Variants in FAM174B observed in about 807,000 individuals in gnomAD.
FAM174B encodes membrane protein FAM174B.
A neutral mutation model predicts 10.9 loss-of-function variants in FAM174B; 12 were observed. The ratio of observed to expected loss-of-function variants is 1.10; its 90% CI spans 0.71 to 1.79. FAM174B has a LOEUF of 1.79. Among genes scored for constraint, FAM174B ranks in the 40% most tolerant of loss-of-function variants. FAM174B has a pLI of 0.00. For synonymous variants in FAM174B, 132 were observed against 115.8 expected (o/e 1.14, Z -0.90); for missense variants, 266 against 233.3 (o/e 1.14, Z -0.91).
intron 2 of FAM174B, among the ~76,000 whole-genome samples, chr15:92,628,193 C>G (rs1434459207): frequency 6.7e-6 from 1 of 150,124 alleles, no homozygotes; most frequent in African/African-American, 2.5e-5. Context: ...GAGATGGGGT[C>G]TTCCTCTGTT....
In FAM174B at chr15:92,619,146, C is replaced by A; in HGVS notation, c.*310G>T. 1 of 685,488 alleles carries A rather than the reference C, an allele frequency of 1.5e-6. No homozygotes were observed. Among genetic ancestry groups the A allele is most frequent in the South Asian group, 1.5e-5 (1 of 65,160 alleles). The allele number at this position is 685,488 out of a possible 1,614,324, so 42.5% of individuals were successfully genotyped here. A position where few individuals can be genotyped will look rare whatever the true frequency, so the allele number is the denominator to read the frequency against. ...TGTCTTAAAAAAACTTCTTTAAAATCAACATGTTTCTACCCTTTGCTCCTT... is the reference window on the plus strand; with the variant it reads ...TGTCTTAAAAAAACTTCTTTAAAATAAACATGTTTCTACCCTTTGCTCCTT... On this transcript the variant is annotated 3_prime_UTR_variant, in exon 3 of 3. Coordinates refer to ENST00000327355, the MANE Select transcript of FAM174B (RefSeq NM_207446.3).
At chr15:92,642,043 G>A (rs2050895223) in intron 1 of FAM174B, among the ~76,000 whole-genome samples, 1 of 152,154 alleles carries the variant, frequency 6.6e-6, no homozygotes, top group Non-Finnish European at 1.5e-5. Context: ...ATTTACAAAT[G>A]CACAATACAC....
At chr15:92,621,343 G>C (rs926189992) in intron 2 of FAM174B, among the ~76,000 whole-genome samples, 2 of 152,186 alleles carry the variant, frequency 1.3e-5, no homozygotes, top group Non-Finnish European at 2.9e-5. Flanking sequence ...CAGGCACAGT[G>C]GGTCGCGCCC....
chr15:92,617,545 C>G lies in FAM174B; in HGVS notation c.*1911G>C, dbSNP rs2050686828. 3 of 518,210 alleles carry G rather than the reference C, an allele frequency of 5.8e-6. No individual in the cohort carries two copies. In the South Asian group the frequency reaches 8.2e-5, roughly 14 times the overall value. The allele number at this position is 518,210 out of a possible 1,614,324, so 32.1% of individuals were successfully genotyped here. On this transcript the variant is annotated 3_prime_UTR_variant, in exon 3 of 3. Transcript: ENST00000327355. ...CAGCAGCCGCCATTTCTGCCAGGAC[C>G]AGTGGCAAGCACCTGGCAGATGGAG... is the stretch of plus-strand genomic sequence containing the variant.
Position 92,639,858 on chromosome 15 carries a change from A to G in FAM174B, c.345-9513T>C, listed in dbSNP as rs2050879032. Among the ~76,000 whole-genome samples the G allele has an allele frequency of 1.3e-5, 2 of 152,134 alleles. 1 individual carries two copies. The highest frequency in any genetic ancestry group is 4.1e-4 in the South Asian group (2 of 4,824). The stretch of plus-strand genomic sequence containing the variant: ...TTCCTGAGGCCTCCCCAGAAGCAGA[A>G]GCTGCTATGCTTCCTGTACAGCATG... On this transcript the variant is annotated intron_variant, in intron 1 of 2. Transcript: ENST00000327355.
intron 2 of FAM174B, among the ~76,000 whole-genome samples, chr15:92,626,577 A>G (rs979818414): frequency 2.6e-5 from 4 of 152,166 alleles, no homozygotes; most frequent in African/African-American, 7.2e-5. Flanking sequence ...TGGCAGCCCT[A>G]GAAGCAGAAA....
intron 2 of FAM174B, 186 bp from the exon 3 acceptor site, chr15:92,619,645 C>T (rs564890829): frequency 3.1e-6 from 2 of 635,008 alleles, no homozygotes; most frequent in Non-Finnish European, 5.6e-6. Flanking sequence ...CCCCTCCCTC[C>T]CCACAGTTCC....
intron 1 of FAM174B, among the ~76,000 whole-genome samples, chr15:92,651,891 T>C (rs2050968935): frequency 6.6e-6 from 1 of 152,248 alleles, no homozygotes; most frequent in Non-Finnish European, 1.5e-5. Flanking sequence ...CTAATTTCCT[T>C]GGATCCAATT....
chr15:92,630,491 G>C (rs934608234), intron 1 of FAM174B, 146 bp from the exon 2 acceptor site: 2 of 758,896 alleles, frequency 2.6e-6, no homozygotes, highest in African/African-American at 3.5e-5. Flanking sequence ...GGATCTGATG[G>C]AAGGCAAACC....
intron 2 of FAM174B, among the ~76,000 whole-genome samples, chr15:92,628,008 T>A (rs2050764967): frequency 6.6e-6 from 1 of 152,222 alleles, no homozygotes; most frequent in Admixed American, 6.5e-5. Flanking sequence ...AAGTCTTTTA[T>A]ATCAAACGGT....
intron 1 of FAM174B, chr15:92,634,212 C>T (rs2050838151): frequency 6.6e-6 from 1 of 152,266 alleles, no homozygotes; most frequent in African/African-American, 2.4e-5. Flanking sequence ...AGGACACACC[C>T]AGACGGCTTC....
At chr15:92,633,712 C>G (rs1233215258) in intron 1 of FAM174B, among the ~76,000 whole-genome samples, 1 of 152,160 alleles carries the variant, frequency 6.6e-6, no homozygotes, top group East Asian at 1.9e-4. Flanking sequence ...CCTGGGACAA[C>G]AGTATTTAGA....
intron 2 of FAM174B, 162 bp downstream of exon 2, chr15:92,630,052 A>T (rs1033366277): frequency 1.8e-6 from 1 of 542,436 alleles, no homozygotes. Context: ...CAGCATGAAA[A>T]TGGACTAACA....
rs147543451 is a variant in FAM174B at position 92,627,792 on chromosome 15, C to T, written c.476+2422G>A. The stretch of plus-strand genomic sequence containing the variant: ...ATATTCCCAGCCGTGCAGGAGGAAG[C>T]GGACTCTTTTGACTGTGAATAGTAA... On this transcript the variant is annotated intron_variant, in intron 2 of 2. Transcript: ENST00000327355. 3.7e-3 allele frequency among the ~76,000 whole-genome samples: 571 copies of T among 152,302 alleles called. 4 individuals are homozygous for T. The highest frequency in any genetic ancestry group is 0.013 in the African/African-American group (555 of 41,564).
At chr15:92,642,156 G>A (rs1246907090) in intron 1 of FAM174B, among the ~76,000 whole-genome samples, 2 of 152,170 alleles carry the variant, frequency 1.3e-5, no homozygotes, top group Non-Finnish European at 2.9e-5. Context: ...CAAAAAGACA[G>A]ACAATAACAA....
intron 1 of FAM174B, among the ~76,000 whole-genome samples, chr15:92,639,532 C>A (rs748516378): frequency 3.9e-5 from 6 of 152,264 alleles, no homozygotes; most frequent in Non-Finnish European, 7.4e-5. Flanking sequence ...TGTAAAACTA[C>A]AATAACTGAA....
intron 1 of FAM174B, among the ~76,000 whole-genome samples, chr15:92,636,270 C>T (rs757268995): frequency 2.2e-4 from 34 of 152,092 alleles, no homozygotes; most frequent in Non-Finnish European, 4.0e-4. Flanking sequence ...GCCGAGATCT[C>T]GCCACCACAC....
chr15:92,651,007 G>C (rs974712734), intron 1 of FAM174B, among the ~76,000 whole-genome samples: 31 of 152,234 alleles, frequency 2.0e-4, no homozygotes. Context: ...AAAGGTGGAC[G>C]TGATTCTACA....
intron 1 of FAM174B, among the ~76,000 whole-genome samples, chr15:92,635,169 C>CCACACA (rs58350171): frequency 0.045 from 480 of 10,770 alleles, 2 homozygotes; most frequent in Middle Eastern, 0.27. Context: ...CCACACACAC[C>CCACACA]CACACACACA....
Sources: gnomAD v4.1 joint callset for allele counts (sites outside exome capture counted in the v4.1 genomes callset) on GRCh38, gnomAD v4.1.1 for gene constraint, MANE v1.5 for transcripts, NCBI Gene and HGNC (gene_info 2026-07-23, HGNC 2026-07-21) for gene names.